C12orf54: variants seen among roughly 807,000 people sequenced by gnomAD.
C12orf54 encodes chromosome 12 open reading frame 54.
C12orf54 carries 24 observed loss-of-function variants against 26.4 expected under a neutral mutation model. The observed-to-expected ratio is 0.91, with a 90% CI of 0.66 to 1.28. The LOEUF (loss-of-function observed/expected upper bound fraction) is 1.28, where lower values mean the gene tolerates loss of function less well. C12orf54 is among the 50% of genes most tolerant of loss of function. The pLI is 0.00. For missense variants in C12orf54, 154 were observed against 150.9 expected (o/e 1.02, Z -0.11); for synonymous variants, 54 against 47.0 (o/e 1.15, Z -0.61).
At chr12:48,434,203 C>T in the C12orf54 span, among the ~76,000 whole-genome samples, 15 of 152,258 alleles carry the variant, frequency 9.9e-5, 1 homozygote, top group South Asian at 1.7e-3. Flanking sequence ...AAAGCGGCAG[C>T]GAGGCTGGGG....
At chr12:48,426,657 T>G in the C12orf54 span, among the ~76,000 whole-genome samples, 2 of 152,194 alleles carry the variant, frequency 1.3e-5, no homozygotes, top group South Asian at 4.1e-4. Flanking sequence ...GCATTGAATC[T>G]GTAAATTCCT....
At chr12:48,427,714 A>G in the C12orf54 span, among the ~76,000 whole-genome samples, 55 of 152,234 alleles carry the variant, frequency 3.6e-4, no homozygotes, top group African/African-American at 1.1e-3. Flanking sequence ...TAGTAACACA[A>G]TAATAGTGGG....
chr12:48,418,267 C>T, the C12orf54 span, among the ~76,000 whole-genome samples: 1 of 152,274 alleles, frequency 6.6e-6, no homozygotes, highest in Middle Eastern at 3.4e-3. Flanking sequence ...AAGGGAAAGA[C>T]ATTCTCTATT....
At chr12:48,433,093 A>G in the C12orf54 span, among the ~76,000 whole-genome samples, 1 of 152,226 alleles carries the variant, frequency 6.6e-6, no homozygotes, top group Non-Finnish European at 1.5e-5. Flanking sequence ...CACAATAGGA[A>G]CAAAAAATAG....
chr12:48,469,019 A>T, the C12orf54 span, among the ~76,000 whole-genome samples: 7 of 152,338 alleles, frequency 4.6e-5, no homozygotes, highest in South Asian at 1.2e-3. Flanking sequence ...CACATGCTTC[A>T]AAGGCAATAA....
chr12:48,444,492 A>C, the C12orf54 span, among the ~76,000 whole-genome samples: 4 of 152,250 alleles, frequency 2.6e-5, no homozygotes, highest in African/African-American at 9.6e-5. Flanking sequence ...CAAAGAGTGA[A>C]AATCTTACAA....
chr12:48,432,384 C>A, the C12orf54 span, among the ~76,000 whole-genome samples: 1 of 152,144 alleles, frequency 6.6e-6, no homozygotes, highest in Non-Finnish European at 1.5e-5. Context: ...AAAGAACTCT[C>A]CTTTCAATAT....
chr12:48,480,156 C>A (rs1954184043), upstream of C12orf54, among the ~76,000 whole-genome samples: 3 of 152,068 alleles, frequency 2.0e-5, no homozygotes, highest in Admixed American at 6.6e-5. Context: ...ACCTTGGAAC[C>A]TTGTTTTGAA....
At chr12:48,460,955 A>G in the C12orf54 span, among the ~76,000 whole-genome samples, 2 of 152,102 alleles carry the variant, frequency 1.3e-5, no homozygotes, top group Non-Finnish European at 2.9e-5. Context: ...TATCTCAATT[A>G]GAGGACAGAG....
chr12:48,476,652 C>T, the C12orf54 span, among the ~76,000 whole-genome samples: 60 of 152,136 alleles, frequency 3.9e-4, 2 homozygotes, highest in African/African-American at 1.4e-3. Flanking sequence ...ACAAAGAAGG[C>T]CATTACATAA....
the C12orf54 span, among the ~76,000 whole-genome samples, chr12:48,450,033 C>G: frequency 6.6e-6 from 1 of 152,204 alleles, no homozygotes; most frequent in Non-Finnish European, 1.5e-5. Flanking sequence ...GCCTCCCCAT[C>G]TATGTGGAAC....
At chr12:48,471,463 T>G in the C12orf54 span, among the ~76,000 whole-genome samples, 2 of 152,172 alleles carry the variant, frequency 1.3e-5, no homozygotes, top group Non-Finnish European at 2.9e-5. Context: ...TTCTAGGATT[T>G]TTATAGGTTG....
At chr12:48,455,154 G>A in the C12orf54 span, among the ~76,000 whole-genome samples, 3 of 152,102 alleles carry the variant, frequency 2.0e-5, no homozygotes, top group African/African-American at 4.8e-5. Context: ...GTGTCCCTGT[G>A]TACTCAATGT....
chr12:48,479,783 C>T (rs1954179785), upstream of C12orf54, among the ~76,000 whole-genome samples: 1 of 151,972 alleles, frequency 6.6e-6, no homozygotes. Flanking sequence ...TATAAAAGAA[C>T]ATCTGCACCC....
At chr12:48,416,772 T>G in the C12orf54 span, among the ~76,000 whole-genome samples, 90 of 151,978 alleles carry the variant, frequency 5.9e-4, no homozygotes, top group Non-Finnish European at 1.0e-3. Context: ...TGAGGCAGGA[T>G]AATCACTTGA....
chr12:48,473,259 GA>G, the C12orf54 span: 15 of 1,084,536 alleles, frequency 1.4e-5, no homozygotes, highest in Non-Finnish European at 2.0e-5. Flanking sequence ...GGAGGAACGT[GA>G]AGAGGAGGAC....
chr12:48,488,108 A>G (rs2705125), intron 4 of C12orf54: 155,452 of 830,450 alleles, frequency 0.19, 17,467 homozygotes, highest in South Asian at 0.3. Flanking sequence ...TCAAGTCCCA[A>G]GGCTGCATGA....
the C12orf54 span, chr12:48,473,043 A>T: frequency 6.2e-7 from 1 of 1,614,158 alleles, no homozygotes; most frequent in Non-Finnish European, 8.5e-7. Flanking sequence ...CGAGGTAACC[A>T]ACCTGAACAA....
At chr12:48,424,412 T>G in the C12orf54 span, among the ~76,000 whole-genome samples, 2 of 152,144 alleles carry the variant, frequency 1.3e-5, no homozygotes, top group Non-Finnish European at 2.9e-5. Flanking sequence ...ATAATTAGTA[T>G]TATTTCTTTC....
Sources: gnomAD v4.1 joint callset for allele counts (sites outside exome capture counted in the v4.1 genomes callset) on GRCh38, gnomAD v4.1.1 for gene constraint, MANE v1.5 for transcripts, NCBI Gene and HGNC (gene_info 2026-07-23, HGNC 2026-07-21) for gene names.